OTULINL: variants seen among roughly 807,000 people sequenced by gnomAD.
OTULINL encodes the protein inactive ubiquitin thioesterase OTULINL.
Under a neutral mutation model 43.9 loss-of-function variants are expected in OTULINL, and 42 were observed. The ratio of observed to expected loss-of-function variants is 0.96; its 90% CI spans 0.75 to 1.24. OTULINL has a LOEUF of 1.24. Ranked by LOEUF, OTULINL falls within the 50% of genes most tolerant of loss-of-function variation. The pLI, the probability that OTULINL is intolerant of heterozygous loss-of-function variation, is 0.00. For synonymous variants in OTULINL, 172 were observed against 153.6 expected, an observed-to-expected ratio of 1.12 and a Z score of -0.88; for missense variants, 411 against 426.4, an observed-to-expected ratio of 0.96 and a Z score of 0.32.
chr5:14,599,206 T>C (rs1759342633), intron 1 of OTULINL, among the ~76,000 whole-genome samples: 1 of 152,244 alleles, frequency 6.6e-6, no homozygotes, highest in African/African-American at 2.4e-5. Flanking sequence ...TTGCTATTGT[T>C]GGCCAGGCGC....
chr5:14,601,871 A>T (rs542623965), intron 4 of OTULINL, among the ~76,000 whole-genome samples: 1 of 152,330 alleles, frequency 6.6e-6, no homozygotes, highest in East Asian at 1.9e-4. Context: ...AAAAGCAAAA[A>T]AGGGTGGAGG....
chr5:14,615,350 C>G lies in OTULINL; in HGVS notation c.*5036C>G, dbSNP rs1759655820. On this transcript the variant is annotated 3_prime_UTR_variant, in exon 8 of 8. Coordinates refer to ENST00000274217, the MANE Select transcript of OTULINL (RefSeq NM_019018.3). ...GCCAGGTCATGGCTTCGTCCGCCTCCCAGCATGTACCTGGACTTCCTTTGG... is the reference window on the plus strand; with the variant it reads ...GCCAGGTCATGGCTTCGTCCGCCTCGCAGCATGTACCTGGACTTCCTTTGG... 6.6e-6 allele frequency among the ~76,000 whole-genome samples: 1 copy of G among 152,018 alleles called. No individual in the cohort carries two copies. The highest frequency in any genetic ancestry group is 6.6e-5 in the Admixed American group (1 of 15,250).
Position 14,612,803 on chromosome 5 carries a change from T to A in OTULINL, c.*2489T>A, listed in dbSNP as rs1019325365. 2.0e-5 allele frequency: 3 copies of A among 152,210 alleles called. No individual in the cohort carries two copies. Among genetic ancestry groups the A allele is most frequent in the Admixed American group, 6.5e-5 (1 of 15,268 alleles). The allele number at this position is 152,210 out of a possible 1,614,324, so 9.4% of individuals were successfully genotyped here. ...ATAATGCCCTCGTCGTTTTTTGATT[T>A]TAGGATAAGTTTCTCTCTCAAATTT... On this transcript the variant is annotated 3_prime_UTR_variant, in exon 8 of 8. Coordinates refer to ENST00000274217, the MANE Select transcript of OTULINL (RefSeq NM_019018.3).
intron 1 of OTULINL, among the ~76,000 whole-genome samples, chr5:14,592,376 G>T (rs948908504): frequency 1.3e-5 from 2 of 152,206 alleles, no homozygotes; most frequent in African/African-American, 4.8e-5. Context: ...CTCAGGGGAA[G>T]GCAGTAATGT....
intron 1 of OTULINL, among the ~76,000 whole-genome samples, chr5:14,582,883 T>C (rs918999756): frequency 1.3e-5 from 2 of 148,472 alleles, no homozygotes; most frequent in African/African-American, 5.0e-5. Context: ...TTCAGTCAGG[T>C]GCTGGGTCTC....
intron 5 of OTULINL, among the ~76,000 whole-genome samples, chr5:14,603,296 A>G (rs562931650): frequency 2.6e-5 from 4 of 152,338 alleles, no homozygotes; most frequent in Admixed American, 2.0e-4. Flanking sequence ...AGTCTCATAC[A>G]GGATGTTGTA....
chr5:14,588,603 T>A (rs1414472434), intron 1 of OTULINL, among the ~76,000 whole-genome samples: 2 of 152,048 alleles, frequency 1.3e-5, no homozygotes, highest in Non-Finnish European at 2.9e-5. Context: ...CCCAAATAGG[T>A]GAATACATTT....
rs1759553800 is a variant in OTULINL at position 14,610,149 on chromosome 5, G to C, written c.906G>C (p.Met302Ile). 6.2e-7 allele frequency: 1 copy of C among 1,613,558 alleles called. No individual in the cohort carries two copies. The highest frequency in any genetic ancestry group is 1.7e-5 in the Admixed American group (1 of 59,982). The change falls in exon 8 of 8, where the codon ATG (methionine) becomes ATC (isoleucine). Residue 302 changes from methionine (M) to isoleucine (I), a missense_variant. Physicochemically the swap from Met to Ile is conservative, Grantham distance 10. Transcript: ENST00000274217. The part of the protein sequence containing the change: ...GDTCGLEQID[M>I]FILGYSLEVK... Reference sequence around the variant, plus strand: ...TTTCATCTCATCCACAGATTGATATGTTTATACTTGGATACTCCCTTGAAG... The same window carrying C: ...TTTCATCTCATCCACAGATTGATATCTTTATACTTGGATACTCCCTTGAAG...
At chr5:14,591,696 C>T (rs1050824280) in intron 1 of OTULINL, among the ~76,000 whole-genome samples, 1 of 152,070 alleles carries the variant, frequency 6.6e-6, no homozygotes, top group Non-Finnish European at 1.5e-5. Flanking sequence ...GTCCAAAGGG[C>T]TTTAAGCTGA....
chr5:14,589,114 T>C (rs987410955), intron 1 of OTULINL, among the ~76,000 whole-genome samples: 3 of 151,990 alleles, frequency 2.0e-5, no homozygotes, highest in Non-Finnish European at 2.9e-5. Flanking sequence ...GAAAGCAGAG[T>C]GAAAACAGTC....
rs1343742436 is a variant in OTULINL, at chr5:14,614,410, T to C, written c.*4096T>C. 5.1e-6 allele frequency: 2 copies of C among 394,272 alleles called. No individual in the cohort carries two copies. Among genetic ancestry groups the C allele is most frequent in the Non-Finnish European group, 8.9e-6 (2 of 224,038 alleles). 24.4% of individuals were successfully genotyped at this position (394,272 alleles called of 1,614,324 possible). ...AATCCTGTTTTTATCACAATGTCCA[T>C]TTTACAGCTAGACACAAAATTTAGT... On this transcript the variant is annotated 3_prime_UTR_variant, in exon 8 of 8. Transcript: ENST00000274217.
rs183383683 is a variant in OTULINL at position 14,596,784 on chromosome 5, G to T, written c.65-4181G>T. Among the ~76,000 whole-genome samples, 100 of 152,218 alleles carry T rather than the reference G, an allele frequency of 6.6e-4. 1 individual carries two copies. Among genetic ancestry groups the T allele is most frequent in the African/African-American group, 2.0e-3 (81 of 41,504 alleles). On this transcript the variant is annotated intron_variant, in intron 1 of 7. Transcript: ENST00000274217. ...ACTGGGGAGTCCAAGAGCACAGCAGGCACCAGATCTGGTGAGGGCCTTCTT... is the reference window on the plus strand; with the variant it reads ...ACTGGGGAGTCCAAGAGCACAGCAGTCACCAGATCTGGTGAGGGCCTTCTT...
At position 14,615,680 on chromosome 5, in the gene OTULINL, AAAGG is replaced by A. The variant is rs370648628; in HGVS notation, c.*5370_*5373del. On this transcript the variant is annotated 3_prime_UTR_variant, in exon 8 of 8. Transcript: ENST00000274217. Reference sequence around the variant, plus strand: ...TACCTTTAGCCGTAGATAAACATTAAAAGGAAGACTCAGCCCCAGAGTATATTTG... The same window carrying A: ...TACCTTTAGCCGTAGATAAACATTAAAAGACTCAGCCCCAGAGTATATTTG... 9.5e-4 allele frequency among the ~76,000 whole-genome samples: 144 copies of A among 152,338 alleles called. 1 individual carries two copies. Among genetic ancestry groups the A allele is most frequent in the African/African-American group, 3.0e-3 (125 of 41,572 alleles).
rs1759605113 is a variant in OTULINL at position 14,612,857 on chromosome 5, G to GTACA, written c.*2545_*2546insCATA. The GTACA allele has an allele frequency of 6.6e-6, 1 of 152,132 alleles. No homozygotes were observed. The highest frequency in any genetic ancestry group is 1.5e-5 in the Non-Finnish European group (1 of 68,020). 9.4% of individuals were successfully genotyped at this position (152,132 alleles called of 1,614,324 possible). On this transcript the variant is annotated 3_prime_UTR_variant, in exon 8 of 8. Transcript: ENST00000274217. The stretch of plus-strand genomic sequence containing the variant: ...CCTTACGTGTCCATACTGAGGGGTT[G>GTACA]TATGCATATTAGTACAAGGCTGACT...
rs1426243521 is a variant in OTULINL at position 14,610,630 on chromosome 5, A to G, written c.*316A>G. The G allele has an allele frequency of 5.0e-6, 1 of 200,042 alleles. No individual in the cohort carries two copies. The highest frequency in any genetic ancestry group is 1.0e-5 in the Non-Finnish European group (1 of 97,978). 12.4% of individuals were successfully genotyped at this position (200,042 alleles called of 1,614,324 possible). ...ATATGGACAACAACAGGAAAAAGCAAGAAGAAAACAAGTAGGGAAAAACAG... is the reference window on the plus strand; with the variant it reads ...ATATGGACAACAACAGGAAAAAGCAGGAAGAAAACAAGTAGGGAAAAACAG... On this transcript the variant is annotated 3_prime_UTR_variant, in exon 8 of 8. Coordinates refer to ENST00000274217, the MANE Select transcript of OTULINL (RefSeq NM_019018.3).
chr5:14,584,426 T>C (rs1436127557), intron 1 of OTULINL, among the ~76,000 whole-genome samples: 2 of 152,242 alleles, frequency 1.3e-5, no homozygotes, highest in Non-Finnish European at 2.9e-5. Flanking sequence ...GCTCTGCTTT[T>C]TTTGTTTCTG....
At position 14,608,869 on chromosome 5, in the gene OTULINL, A is replaced by G; in HGVS notation, c.749A>G (p.Gln250Arg). 2 of 1,614,188 alleles carry G rather than the reference A, an allele frequency of 1.2e-6. No individual in the cohort carries two copies. The highest frequency in any genetic ancestry group is 1.6e-4 in the Middle Eastern group (1 of 6,062). The change falls in exon 7 of 8, where the codon CAA (glutamine) becomes CGA (arginine). Residue 250 changes from glutamine to arginine, a missense_variant. By Grantham distance (43) the Gln-to-Arg change is conservative. Transcript: ENST00000274217. Reference protein sequence around the residue: ...YEALKFIMLYQVTEVYEQMKT... With the variant: ...YEALKFIMLYRVTEVYEQMKT... ...GCTTTAAAGTTCATCATGCTGTATC[A>G]AGTCACTGAAGTTTATGAACAAATG...
At chr5:14,602,369 T>C in intron 5 of OTULINL, 37 bp downstream of exon 5, 1 of 1,594,054 alleles carries the variant, frequency 6.3e-7, no homozygotes, top group Non-Finnish European at 8.6e-7. Flanking sequence ...AAATGTCATG[T>C]TGACAATAAC....
At chr5:14,582,178 C>T (rs1579911344) in intron 1 of OTULINL, among the ~76,000 whole-genome samples, 3 of 151,928 alleles carry the variant, frequency 2.0e-5, no homozygotes. Flanking sequence ...CTGTCGGGGA[C>T]GGGGTAGCAC....
Sources: gnomAD v4.1 joint callset for allele counts (sites outside exome capture counted in the v4.1 genomes callset) on GRCh38, gnomAD v4.1.1 for gene constraint, MANE v1.5 for transcripts, NCBI Gene and HGNC (gene_info 2026-07-23, HGNC 2026-07-21) for gene names.